Variants in KIF26B observed in about 807,000 individuals in gnomAD.
KIF26B encodes the protein kinesin family member 26B, also known as kinesin-like protein KIF26B.
A neutral mutation model predicts 151.2 loss-of-function variants in KIF26B; 63 were observed. That is an observed-to-expected ratio of 0.42 (90% CI 0.34 to 0.51). The LOEUF (loss-of-function observed/expected upper bound fraction) is 0.51, where lower values mean the gene tolerates loss of function less well. Ranked by LOEUF, KIF26B falls within the 20% of genes least tolerant of loss-of-function variation. The probability of loss-of-function intolerance (pLI) is 0.07; values close to 1 mark genes in which losing one functional copy is unlikely to be tolerated. For synonymous variants in KIF26B, 1,357 were observed against 1,262.1 expected, an observed-to-expected ratio of 1.08 and a Z score of -1.59; for missense variants, 2,813 against 2,913.6, an observed-to-expected ratio of 0.97 and a Z score of 0.79.
intron 3 of KIF26B, among the ~76,000 whole-genome samples, chr1:245,402,826 C>T (rs1157523361): frequency 6.6e-6 from 1 of 152,132 alleles, no homozygotes; most frequent in Admixed American, 6.6e-5. Flanking sequence ...TGATTAGGGG[C>T]TATAGTGGTT....
chr1:245,355,200 C>T (rs184794036), intron 2 of KIF26B, among the ~76,000 whole-genome samples: 2 of 152,290 alleles, frequency 1.3e-5, no homozygotes, highest in African/African-American at 4.8e-5. Flanking sequence ...GCTGGGATTA[C>T]AGGCGTGAGC....
intron 4 of KIF26B, among the ~76,000 whole-genome samples, chr1:245,484,974 A>G (rs906571181): frequency 1.3e-5 from 2 of 152,186 alleles, no homozygotes; most frequent in Non-Finnish European, 2.9e-5. Context: ...ACACTGACCA[A>G]GTATTCAACA....
At chr1:245,557,155 G>A (rs529455070) in intron 5 of KIF26B, among the ~76,000 whole-genome samples, 1 of 152,342 alleles carries the variant, frequency 6.6e-6, no homozygotes, top group Admixed American at 6.5e-5. Flanking sequence ...AAAAATGGGT[G>A]CAGTTTTAAA....
chr1:245,478,546 G>A (rs2363899), intron 4 of KIF26B, among the ~76,000 whole-genome samples: 128,508 of 149,632 alleles, frequency 0.86, 55,445 homozygotes, highest in East Asian at 0.91. Flanking sequence ...TCCTGCCTCA[G>A]CCTCCCGAGT....
At chr1:245,559,950 T>C (rs1353132456) in intron 5 of KIF26B, among the ~76,000 whole-genome samples, 7 of 152,148 alleles carry the variant, frequency 4.6e-5, no homozygotes, top group Non-Finnish European at 1.5e-5. Flanking sequence ...GCATCACATG[T>C]TACCGACGTG....
At chr1:245,511,141 G>A in intron 4 of KIF26B, 1 of 717,010 alleles carries the variant, frequency 1.4e-6, no homozygotes. Context: ...AAGTAACGCA[G>A]TTATATATGT....
intron 2 of KIF26B, among the ~76,000 whole-genome samples, chr1:245,276,983 A>G (rs527919682): frequency 1.3e-5 from 2 of 152,236 alleles, no homozygotes; most frequent in South Asian, 4.1e-4. Context: ...AGAGACAGAA[A>G]TGGAGGAGAC....
At chr1:245,549,952 G>GT (rs1661838486) in intron 5 of KIF26B, among the ~76,000 whole-genome samples, 1 of 152,030 alleles carries the variant, frequency 6.6e-6, no homozygotes, top group African/African-American at 2.4e-5. Flanking sequence ...AGCTAATTTT[G>GT]TTTTTTAGTA....
chr1:245,287,100 C>G (rs1043902647), intron 2 of KIF26B, among the ~76,000 whole-genome samples: 20 of 152,104 alleles, frequency 1.3e-4, no homozygotes, highest in African/African-American at 4.8e-4. Context: ...CACAGCAAGA[C>G]TCTGTCTCAA....
rs191529291 is a variant in KIF26B at position 245,641,988 on chromosome 1, A to G, written c.2099-4133A>G. On this transcript the variant is annotated intron_variant, in intron 9 of 14. Transcript: ENST00000407071. ...TCCAGAGATTCTAAGCCAACTGACT[A>G]TTGTGTTCCCTGTGATCACCACAGT... Among the ~76,000 whole-genome samples the G allele has an allele frequency of 2.6e-3, 396 of 152,316 alleles. 2 individuals are homozygous for G. The highest frequency in any genetic ancestry group is 4.2e-3 in the Non-Finnish European group (287 of 68,038).
rs1157948886 is a variant in KIF26B at position 245,395,767 on chromosome 1, A to G, written c.1000-23812A>G. On this transcript the variant is annotated intron_variant, in intron 3 of 14. Coordinates refer to ENST00000407071, the MANE Select transcript of KIF26B (RefSeq NM_018012.4). ...CGTCAGCCTACCCGTATGACATTGTATTTATTCACTGCACTGTGAGCTCCA... is the reference window on the plus strand; with the variant it reads ...CGTCAGCCTACCCGTATGACATTGTGTTTATTCACTGCACTGTGAGCTCCA... 3.3e-5 allele frequency among the ~76,000 whole-genome samples: 5 copies of G among 152,156 alleles called. No individual in the cohort carries two copies. The East Asian group carries it at 9.6e-4, about 29-fold the overall frequency.
intron 9 of KIF26B, among the ~76,000 whole-genome samples, chr1:245,625,443 A>C (rs2043713696): frequency 6.6e-6 from 1 of 152,150 alleles, no homozygotes; most frequent in South Asian, 2.1e-4. Context: ...GGTTTTTATT[A>C]GTTCCCTTCA....
intron 2 of KIF26B, among the ~76,000 whole-genome samples, chr1:245,210,432 C>A (rs1014906804): frequency 6.6e-6 from 1 of 150,604 alleles, no homozygotes; most frequent in South Asian, 2.1e-4. Context: ...TGAAGTTGTT[C>A]TGCGATGTGG....
At chr1:245,347,324 T>A (rs541747581) in intron 2 of KIF26B, among the ~76,000 whole-genome samples, 1 of 152,264 alleles carries the variant, frequency 6.6e-6, no homozygotes, top group Non-Finnish European at 1.5e-5. Context: ...TTTCTTTCTT[T>A]TTTTTTAGAG....
intron 4 of KIF26B, among the ~76,000 whole-genome samples, chr1:245,451,914 T>A (rs1345448279): frequency 6.6e-6 from 1 of 152,182 alleles, no homozygotes; most frequent in East Asian, 1.9e-4. Flanking sequence ...TCTATCTTTT[T>A]AAAAAAATTA....
At chr1:245,405,179 A>G (rs1434630120) in intron 3 of KIF26B, among the ~76,000 whole-genome samples, 1 of 152,206 alleles carries the variant, frequency 6.6e-6, no homozygotes, top group African/African-American at 2.4e-5. Context: ...CCGGGAAGCA[A>G]CTGTGACAAG....
chr1:245,181,154 T>TC (rs922705953), intron 2 of KIF26B, among the ~76,000 whole-genome samples: 2 of 152,122 alleles, frequency 1.3e-5, no homozygotes, highest in African/African-American at 4.8e-5. Flanking sequence ...CCCTTTTTTT[T>TC]CCCTTGAAAT....
chr1:245,702,721 G>C lies in KIF26B; in HGVS notation c.*115G>C. 8.0e-7 allele frequency: 1 copy of C among 1,242,328 alleles called. No homozygotes were observed. The highest frequency in any genetic ancestry group is 1.1e-6 in the Non-Finnish European group (1 of 910,850). The allele number at this position is 1,242,328 out of a possible 1,614,324, so 77.0% of individuals were successfully genotyped here. A position where few individuals can be genotyped will look rare whatever the true frequency, so the allele number is the denominator to read the frequency against. ...AGACAATGAATGAGGATGAAGGTTG[G>C]TGGCAAGTCTGGAGCGGGCGTTGAG... On this transcript the variant is annotated 3_prime_UTR_variant, in exon 15 of 15. Transcript: ENST00000407071. This position sits in a 1 kb window ranked among gnomAD's most constrained non-coding sequence, Gnocchi z 4.1.
chr1:245,488,987 ACT>A lies in KIF26B; in HGVS notation c.1167-51775_1167-51774del, dbSNP rs1660340342. The stretch of plus-strand genomic sequence containing the variant: ...TGTCCTGCACCCTCCATCTCAGAGA[ACT>A]CTCTAGGCTCCGGTACTCTAGAATC... On this transcript the variant is annotated intron_variant, in intron 4 of 14. Coordinates refer to ENST00000407071, the MANE Select transcript of KIF26B (RefSeq NM_018012.4). The surrounding 1 kb of genome is among the most constrained non-coding windows in gnomAD (Gnocchi z 4.6). Among the ~76,000 whole-genome samples, 1 of 152,054 alleles carries A rather than the reference ACT, an allele frequency of 6.6e-6. No individual in the cohort carries two copies.
Sources: allele counts gnomAD v4.1 joint callset (sites outside exome capture counted in the v4.1 genomes callset), GRCh38; gene constraint gnomAD v4.1.1; non-coding constraint Gnocchi (gnomAD v3.1); transcripts MANE v1.5; gene names NCBI Gene and HGNC (gene_info 2026-07-23, HGNC 2026-07-21).